TBX1: variants seen among roughly 807,000 people sequenced by gnomAD.
TBX1 encodes the protein T-box transcription factor TBX1.
TBX1 carries 16 observed loss-of-function variants against 40.8 expected under a neutral mutation model. The ratio of observed to expected loss-of-function variants is 0.39; its 90% CI spans 0.27 to 0.60. The LOEUF (loss-of-function observed/expected upper bound fraction) is 0.60. Ranked by LOEUF, TBX1 falls within the 20% of genes least tolerant of loss-of-function variation. The pLI is 0.51. For missense variants in TBX1, 755 were observed against 728.5 expected (o/e 1.04, Z -0.42); for synonymous variants, 403 against 336.8 (o/e 1.20, Z -2.15).
downstream of TBX1, among the ~76,000 whole-genome samples, chr22:19,781,478 C>T (rs1453151846): frequency 6.6e-6 from 1 of 152,122 alleles, no homozygotes; most frequent in Non-Finnish European, 1.5e-5. Flanking sequence ...TAAAGATTTT[C>T]TCTCAGTCTG....
intron 8 of TBX1, among the ~76,000 whole-genome samples, chr22:19,774,952 T>C (rs541212342): frequency 5.4e-4 from 83 of 152,316 alleles, no homozygotes; most frequent in African/African-American, 1.9e-3. Flanking sequence ...TGGCACATTC[T>C]TTATTTTTTG....
chr22:19,760,273 G>C (rs1418045308), upstream of TBX1, among the ~76,000 whole-genome samples: 1 of 148,332 alleles, frequency 6.7e-6, no homozygotes, highest in South Asian at 2.1e-4. Flanking sequence ...TAAGAGGAAA[G>C]GCACCGACTA....
intron 8 of TBX1, among the ~76,000 whole-genome samples, chr22:19,773,722 A>C (rs1247456894): frequency 2.6e-5 from 4 of 152,184 alleles, no homozygotes; most frequent in African/African-American, 7.2e-5. Context: ...TGCAGGATGG[A>C]GCCCCAGGCA....
At chr22:19,776,829 A>C (rs1937072428) in intron 8 of TBX1, among the ~76,000 whole-genome samples, 1 of 152,082 alleles carries the variant, frequency 6.6e-6, no homozygotes, top group African/African-American at 2.4e-5. Context: ...ATGAGTCTTG[A>C]CTTTATCTCA....
chr22:19,765,857 G>A lies in TBX1; in HGVS notation c.935+32G>A, dbSNP rs550907643. ...GTCCTCCCCCGAGAGAGTGAGCGCC[G>A]GGCGCCTGGCGCAGGCGCCGCCCTG... On this transcript the variant is annotated intron_variant, in intron 5 of 6. Transcript: ENST00000649276. The A allele has an allele frequency of 1.5e-5, 24 of 1,577,128 alleles. No homozygotes were observed. In the Admixed American group the frequency reaches 2.0e-4, roughly 13 times the overall value.
chr22:19,762,859 T>A (rs1034298648), intron 1 of TBX1, among the ~76,000 whole-genome samples: 4 of 152,242 alleles, frequency 2.6e-5, no homozygotes, highest in Admixed American at 2.0e-4. Flanking sequence ...TCGATCAAGC[T>A]GGGGAGGCTC....
Position 19,767,060 on chromosome 22 carries a change from C to G in TBX1, c.*193C>G. ...CAGCCCCTTGGGCTATCGAAGTATC[C>G]GGTTCCCCAGTCCCTGGAGCCACCG... On this transcript the variant is annotated 3_prime_UTR_variant, in exon 7 of 7. Coordinates refer to ENST00000649276, the MANE Select transcript of TBX1 (RefSeq NM_001379200.1). The G allele has an allele frequency of 7.7e-7, 1 of 1,292,242 alleles. No individual in the cohort carries two copies. Among genetic ancestry groups the G allele is most frequent in the South Asian group, 2.3e-5 (1 of 42,902 alleles). The allele number at this position is 1,292,242 out of a possible 1,614,324, so 80.0% of individuals were successfully genotyped here.
At position 19,766,799 on chromosome 22, in the gene TBX1, G is replaced by A; in HGVS notation, c.1447G>A (p.Ala483Thr). ...CGCCGCCGCCGCTGCCGCAGCTGCC[G>A]CGGCCGCCAACATGTACTCGTCGGC... is the stretch of plus-strand genomic sequence containing the variant. ...AAAAAAAAAA[A>T]AANMYSSAGA... Residue 483 changes from alanine (A) to threonine (T), a missense_variant, in exon 7 of 7, where the codon GCG becomes ACG. Around this residue, in one of 3 missense-constraint regions of TBX1, gnomAD observed 412 missense variants for 317.6 expected, o/e 1.30. Transcript: ENST00000649276. 2 of 1,516,388 alleles carry A rather than the reference G, an allele frequency of 1.3e-6. No individual in the cohort carries two copies. The highest frequency in any genetic ancestry group is 2.2e-5 in the Admixed American group (1 of 45,386). The allele number at this position is 1,516,388 out of a possible 1,614,324, so 93.9% of individuals were successfully genotyped here. A position where few individuals can be genotyped will look rare whatever the true frequency, so the allele number is the denominator to read the frequency against.
downstream of TBX1, chr22:19,783,037 G>A: frequency 1.1e-6 from 1 of 896,074 alleles, no homozygotes; most frequent in Non-Finnish European, 1.9e-6. Context: ...ACTCAGGTTG[G>A]TGGTCCCCGC....
At chr22:19,758,318 C>A (rs1936532132), upstream of TBX1, among the ~76,000 whole-genome samples, 1 of 151,730 alleles carries the variant, frequency 6.6e-6, no homozygotes, top group African/African-American at 2.4e-5. Context: ...TCCAGCAAGG[C>A]ACAGAGGCTC....
downstream of TBX1, among the ~76,000 whole-genome samples, chr22:19,771,103 C>T (rs535325011): frequency 2.6e-5 from 4 of 152,276 alleles, no homozygotes; most frequent in Admixed American, 2.6e-4. Flanking sequence ...GCGGTGTGCT[C>T]GGGCAGGGTC....
downstream of TBX1, among the ~76,000 whole-genome samples, chr22:19,780,110 C>T (rs1174467286): frequency 1.3e-5 from 2 of 152,160 alleles, no homozygotes; most frequent in South Asian, 2.1e-4. Context: ...CAGTTTTTAA[C>T]ATTGAGGGAA....
At chr22:19,758,573 G>C (rs1370480565), upstream of TBX1, among the ~76,000 whole-genome samples, 1 of 152,200 alleles carries the variant, frequency 6.6e-6, no homozygotes, top group East Asian at 1.9e-4. Context: ...AGGCAGGCTG[G>C]CTGCTGGGTG....
rs1936881273 is a variant in TBX1, at chr22:19,766,920, G to C, written c.*53G>C. The C allele has an allele frequency of 3.2e-6, 5 of 1,563,104 alleles. No homozygotes were observed. The highest frequency in any genetic ancestry group is 1.8e-5 in the Admixed American group (1 of 56,252). On this transcript the variant is annotated 3_prime_UTR_variant, in exon 7 of 7. Coordinates refer to ENST00000649276, the MANE Select transcript of TBX1 (RefSeq NM_001379200.1). ...GTCCTGCACAGCCCCGAAGTTCGCC[G>C]GGCCCGGCCACCCTGCCCCAAGGGC... is the stretch of plus-strand genomic sequence containing the variant.
In TBX1 at chr22:19,767,059, C is replaced by T. The variant is rs2047530664; in HGVS notation, c.*192C>T. ...CCAGCCCCTTGGGCTATCGAAGTAT[C>T]CGGTTCCCCAGTCCCTGGAGCCACC... On this transcript the variant is annotated 3_prime_UTR_variant, in exon 7 of 7. Transcript: ENST00000649276. The T allele has an allele frequency of 2.3e-6, 3 of 1,293,186 alleles. No homozygotes were observed. The highest frequency in any genetic ancestry group is 2.9e-6 in the Non-Finnish European group (3 of 1,023,860). The allele number at this position is 1,293,186 out of a possible 1,614,324, so 80.1% of individuals were successfully genotyped here.
downstream of TBX1, among the ~76,000 whole-genome samples, chr22:19,771,843 G>A (rs1936995173): frequency 6.6e-6 from 1 of 152,228 alleles, no homozygotes; most frequent in South Asian, 2.1e-4. Flanking sequence ...AGTGGCAGTT[G>A]CCAGGGTGCT....
chr22:19,780,061 A>G (rs1937124515), downstream of TBX1, among the ~76,000 whole-genome samples: 1 of 152,242 alleles, frequency 6.6e-6, no homozygotes, highest in Non-Finnish European at 1.5e-5. Context: ...CAGGTGATGT[A>G]TTTGCTAGTT....
chr22:19,774,882 G>A (rs1937041741), intron 8 of TBX1, among the ~76,000 whole-genome samples: 1 of 136,664 alleles, frequency 7.3e-6, no homozygotes, highest in Non-Finnish European at 1.5e-5. Flanking sequence ...ATCTGGAGGT[G>A]GACGCACAGC....
Position 19,765,798 on chromosome 22 carries a change from G to C in TBX1, c.908G>C (p.Gly303Ala). Reference protein sequence around the residue: ...LKIASNPFAKGFRDCDPEDWP... With the variant: ...LKIASNPFAKAFRDCDPEDWP... ...ATTGCCAGCAATCCCTTCGCGAAAG[G>C]CTTCCGGGACTGTGACCCTGAGGAC... The change falls in exon 5 of 7, where the codon GGC becomes GCC. Residue 303 changes from glycine to alanine, a missense_variant. By Grantham distance (60) the Gly-to-Ala change is moderately conservative. This residue lies in a region of TBX1 where 412 missense variants were observed against 317.6 expected (regional missense o/e 1.30). Transcript: ENST00000649276. The C allele has an allele frequency of 6.2e-7, 1 of 1,611,254 alleles. No individual in the cohort carries two copies. Among genetic ancestry groups the C allele is most frequent in the Non-Finnish European group, 8.5e-7 (1 of 1,179,094 alleles).
Sources: gnomAD v4.1 joint callset for allele counts (sites outside exome capture counted in the v4.1 genomes callset) on GRCh38, gnomAD v4.1.1 for gene constraint, gnomAD v4.1.1 regional missense constraint, MANE v1.5 for transcripts, NCBI Gene and HGNC (gene_info 2026-07-23, HGNC 2026-07-21) for gene names.